Variants in ELF2 observed in about 807,000 individuals in gnomAD.
ELF2 encodes E74 like ETS transcription factor 2.
ELF2 carries 11 observed loss-of-function variants against 54.8 expected under a neutral mutation model. The observed-to-expected ratio is 0.20, with a 90% CI of 0.13 to 0.33. The LOEUF (loss-of-function observed/expected upper bound fraction) is 0.33, where lower values mean the gene tolerates loss of function less well. ELF2 is among the 10% of genes least tolerant of loss of function. The probability of loss-of-function intolerance (pLI) is 1.00; values close to 1 mark genes in which losing one functional copy is unlikely to be tolerated. For missense variants in ELF2, 513 were observed against 703.0 expected (o/e 0.73, Z 3.06); for synonymous variants, 203 against 245.1 (o/e 0.83, Z 1.61).
intron 4 of ELF2, among the ~76,000 whole-genome samples, chr4:139,099,811 T>C (rs1394684985): frequency 6.6e-6 from 1 of 152,182 alleles, no homozygotes. Context: ...ACACATTAAA[T>C]AATGGAGGGC....
intron 4 of ELF2, among the ~76,000 whole-genome samples, chr4:139,074,142 A>G (rs897570127): frequency 3.9e-5 from 6 of 152,100 alleles, no homozygotes; most frequent in African/African-American, 1.4e-4. Flanking sequence ...CAACAACAAC[A>G]AAAGAAATTA....
chr4:139,068,918 AC>A (rs966453125), intron 6 of ELF2, among the ~76,000 whole-genome samples: 6 of 151,752 alleles, frequency 4.0e-5, no homozygotes, highest in Non-Finnish European at 7.4e-5. Flanking sequence ...TCACTCTGTC[AC>A]CCAGACTGGA....
At chr4:139,067,818 T>C in intron 6 of ELF2, 48 bp from the exon 7 acceptor site, 7 of 1,515,314 alleles carry the variant, frequency 4.6e-6, no homozygotes, top group East Asian at 2.3e-5. Flanking sequence ...AAGAAAAATA[T>C]GAGAGGCACG....
chr4:139,062,523 G>A (rs1054777589), intron 7 of ELF2, among the ~76,000 whole-genome samples: 1 of 152,148 alleles, frequency 6.6e-6, no homozygotes, highest in African/African-American at 2.4e-5. Flanking sequence ...CAGTTATGAT[G>A]CTAAAATACA....
intron 4 of ELF2, chr4:139,084,023 G>A: frequency 6.4e-7 from 1 of 1,562,508 alleles, no homozygotes; most frequent in Non-Finnish European, 8.7e-7. Context: ...GTGACTGTGA[G>A]GTGGACACTG....
chr4:139,091,851 TA>T (rs1732608081), intron 4 of ELF2, among the ~76,000 whole-genome samples: 1 of 151,614 alleles, frequency 6.6e-6, no homozygotes. Flanking sequence ...ATTAATAAAA[TA>T]AACACACTTT....
intron 1 of ELF2, among the ~76,000 whole-genome samples, chr4:139,144,128 G>T (rs1738985063): frequency 6.6e-6 from 1 of 152,042 alleles, no homozygotes; most frequent in African/African-American, 2.4e-5. Flanking sequence ...AGAAGGGGCA[G>T]GCTGCAGTCT....
At chr4:139,071,092 G>C (rs3805212) in intron 6 of ELF2, among the ~76,000 whole-genome samples, 2,714 of 152,140 alleles carry the variant, frequency 0.018, 80 homozygotes, top group East Asian at 0.12. Flanking sequence ...TAGTGGGATG[G>C]GGGGAGCAGA....
intron 4 of ELF2, among the ~76,000 whole-genome samples, chr4:139,075,030 T>C (rs534438823): frequency 6.6e-6 from 1 of 152,324 alleles, no homozygotes; most frequent in East Asian, 1.9e-4. Context: ...GAACTTTCTT[T>C]ATAATTAACC....
At chr4:139,133,521 T>G (rs1047130485) in intron 3 of ELF2, among the ~76,000 whole-genome samples, 1 of 152,222 alleles carries the variant, frequency 6.6e-6, no homozygotes, top group African/African-American at 2.4e-5. Flanking sequence ...CCACAGTATG[T>G]CTTCCAATCC....
intron 4 of ELF2, among the ~76,000 whole-genome samples, chr4:139,082,269 A>G (rs1221370745): frequency 2.6e-5 from 4 of 152,260 alleles, no homozygotes; most frequent in African/African-American, 9.6e-5. Context: ...TCACAGAAAT[A>G]TCATTGACCC....
chr4:139,092,182 T>G (rs929204648), intron 4 of ELF2, among the ~76,000 whole-genome samples: 3 of 151,052 alleles, frequency 2.0e-5, no homozygotes, highest in Admixed American at 6.6e-5. Flanking sequence ...GCAAACATGG[T>G]GAAACCTCGT....
intron 3 of ELF2, among the ~76,000 whole-genome samples, chr4:139,128,095 C>A (rs964850613): frequency 1.3e-5 from 2 of 151,738 alleles, no homozygotes; most frequent in African/African-American, 4.8e-5. Context: ...CATAGGGAGA[C>A]CCTATCTCTA....
At chr4:139,083,741 AG>A (rs1350546074) in intron 4 of ELF2, among the ~76,000 whole-genome samples, 2 of 152,174 alleles carry the variant, frequency 1.3e-5, no homozygotes, top group Admixed American at 1.3e-4. Context: ...TGGCAGGCGC[AG>A]CCGAGAGACA....
chr4:139,088,748 C>A (rs886298523), intron 4 of ELF2, among the ~76,000 whole-genome samples: 4 of 147,408 alleles, frequency 2.7e-5, no homozygotes, highest in African/African-American at 9.9e-5. Flanking sequence ...CCACCTAGGA[C>A]TTTTTTTTTT....
At chr4:139,080,958 ACCCAAGGAGAAGCCCT>A (rs1731030471) in intron 4 of ELF2, among the ~76,000 whole-genome samples, 1 of 151,494 alleles carries the variant, frequency 6.6e-6, no homozygotes, top group African/African-American at 2.4e-5. Flanking sequence ...AAAAAAAAAA[ACCCAAGGAGAAGCCCT>A]ACCTTTCCAT....
At chr4:139,072,099 C>T in intron 5 of ELF2, 60 bp from the exon 6 acceptor site, 1 of 1,531,104 alleles carries the variant, frequency 6.5e-7, no homozygotes, top group Non-Finnish European at 8.9e-7. Context: ...CTTATGTGGA[C>T]AGTTCAATAT....
chr4:139,137,946 C>A, intron 2 of ELF2, 79 bp from the exon 3 acceptor site: 1 of 982,168 alleles, frequency 1.0e-6, no homozygotes, highest in South Asian at 3.6e-5. Context: ...ATTGTGCAAT[C>A]TAATTTTAAC....
intron 4 of ELF2, among the ~76,000 whole-genome samples, chr4:139,114,596 C>CACACACACACACACACACACACA (rs1560826314): frequency 6.8e-6 from 1 of 146,852 alleles, no homozygotes; most frequent in Non-Finnish European, 1.5e-5. Context: ...CACACACACA[C>CACACACACACACACACACACACA]AATTTAGGAG....
Sources: gnomAD v4.1 joint callset for allele counts (sites outside exome capture counted in the v4.1 genomes callset) on GRCh38, gnomAD v4.1.1 for gene constraint, MANE v1.5 for transcripts, NCBI Gene and HGNC (gene_info 2026-07-23, HGNC 2026-07-21) for gene names.